TMCC1: variants seen among roughly 807,000 people sequenced by gnomAD.
TMCC1 encodes the protein transmembrane and coiled-coil domains protein 1.
In TMCC1, 15 loss-of-function variants were observed where a neutral mutation model predicts 52.4. That is an observed-to-expected ratio of 0.29 (90% CI 0.19 to 0.44). The LOEUF (loss-of-function observed/expected upper bound fraction) is 0.44. Ranked by LOEUF, TMCC1 falls within the 20% of genes least tolerant of loss-of-function variation. The probability of loss-of-function intolerance (pLI) is 1.00; values close to 1 mark genes in which losing one functional copy is unlikely to be tolerated. For missense variants in TMCC1, 503 were observed against 806.0 expected, an observed-to-expected ratio of 0.62 and a Z score of 4.55; for synonymous variants, 279 against 301.9, an observed-to-expected ratio of 0.92 and a Z score of 0.79.
At chr3:129,859,393 T>C (rs192317579) in intron 2 of TMCC1, among the ~76,000 whole-genome samples, 116 of 152,238 alleles carry the variant, frequency 7.6e-4, no homozygotes, top group Admixed American at 1.2e-3. Flanking sequence ...GCACTTTGTT[T>C]TGGGAGGCTG....
chr3:129,650,147 C>G lies in TMCC1; in HGVS notation c.*1334G>C, dbSNP rs527757229. The G allele has an allele frequency of 1.2e-3, 190 of 152,602 alleles. 1 individual carries two copies. Among genetic ancestry groups the G allele is most frequent in the Non-Finnish European group, 9.3e-4 (63 of 68,028 alleles). 9.5% of individuals were successfully genotyped at this position (152,602 alleles called of 1,614,324 possible). On this transcript the variant is annotated 3_prime_UTR_variant, in exon 7 of 7. Transcript: ENST00000393238. ...GAAGACAGAAGACTCCACATCATCA[C>G]TTTGGTTGTAATTAGGGGTGTTAAC...
At chr3:129,890,508 G>C (rs551592072) in intron 1 of TMCC1, among the ~76,000 whole-genome samples, 2 of 152,170 alleles carry the variant, frequency 1.3e-5, no homozygotes, top group South Asian at 4.1e-4. Flanking sequence ...TTTAATATTC[G>C]CAACACATCT....
chr3:129,740,017 A>C (rs1270589105), intron 4 of TMCC1, among the ~76,000 whole-genome samples: 1 of 152,250 alleles, frequency 6.6e-6, no homozygotes, highest in East Asian at 1.9e-4. Flanking sequence ...TTTCTCTCAA[A>C]TAATGTTTCT....
chr3:129,670,214 GA>G, intron 5 of TMCC1, 115 bp downstream of exon 5: 1 of 1,116,928 alleles, frequency 9.0e-7, no homozygotes, highest in South Asian at 1.6e-5. Flanking sequence ...ATGACATACC[GA>G]AAGTGCTCTG....
At chr3:129,889,856 A>T (rs1472955943) in intron 1 of TMCC1, among the ~76,000 whole-genome samples, 2 of 151,956 alleles carry the variant, frequency 1.3e-5, no homozygotes, top group Non-Finnish European at 2.9e-5. Flanking sequence ...AATTATCAGG[A>T]AAGATTTGGT....
intron 4 of TMCC1, among the ~76,000 whole-genome samples, chr3:129,693,135 C>T (rs2047145492): frequency 6.6e-6 from 1 of 152,134 alleles, no homozygotes; most frequent in African/African-American, 2.4e-5. Context: ...AGCCATGAAA[C>T]ATGTTAAAAT....
chr3:129,658,396 T>G (rs181210422), intron 5 of TMCC1, among the ~76,000 whole-genome samples: 7 of 152,326 alleles, frequency 4.6e-5, no homozygotes, highest in Non-Finnish European at 8.8e-5. Flanking sequence ...TGACTTACGA[T>G]GGGGTTACTT....
At chr3:129,819,285 G>A (rs1470526269) in intron 4 of TMCC1, among the ~76,000 whole-genome samples, 1 of 151,642 alleles carries the variant, frequency 6.6e-6, no homozygotes, top group Admixed American at 6.6e-5. Flanking sequence ...GTTTCACCAT[G>A]TTGGCCAGGC....
intron 2 of TMCC1, among the ~76,000 whole-genome samples, chr3:129,848,667 T>C (rs1267084732): frequency 6.6e-6 from 1 of 152,124 alleles, no homozygotes; most frequent in Non-Finnish European, 1.5e-5. Flanking sequence ...TACAAGAAAA[T>C]ACACAAATCC....
chr3:129,670,779 G>A lies in TMCC1; in HGVS notation c.1062C>T (p.Phe354=). The change falls in exon 5 of 7, where the codon TTC becomes TTT. Residue 354 remains phenylalanine (F), a synonymous_variant. Transcript: ENST00000393238. Reference sequence around the variant, plus strand: ...CTGCTGCTGAATGGGTGGCCTGGGAGAAGCTGGAAAACCCACCTTTGACAC... The same window carrying A: ...CTGCTGCTGAATGGGTGGCCTGGGAAAAGCTGGAAAACCCACCTTTGACAC... The part of the protein sequence containing the change: ...VDSVKGGFSS[F]SQATHSAAGA... The A allele has an allele frequency of 6.2e-7, 1 of 1,614,154 alleles. No homozygotes were observed. Among genetic ancestry groups the A allele is most frequent in the Non-Finnish European group, 8.5e-7 (1 of 1,180,034 alleles).
rs1478245504 is a variant in TMCC1, at chr3:129,650,723, T to G, written c.*758A>C. 1 of 152,648 alleles carries G rather than the reference T, an allele frequency of 6.6e-6. No homozygotes were observed. The highest frequency in any genetic ancestry group is 6.5e-5 in the Admixed American group (1 of 15,288). The allele number at this position is 152,648 out of a possible 1,614,324, so 9.5% of individuals were successfully genotyped here. Reference sequence around the variant, plus strand: ...TTCTTCAAGTATGCTGTTCGGATTTTTTATTTTTAGGTTGGTAACTATACA... The same window carrying G: ...TTCTTCAAGTATGCTGTTCGGATTTGTTATTTTTAGGTTGGTAACTATACA... On this transcript the variant is annotated 3_prime_UTR_variant, in exon 7 of 7. Coordinates refer to ENST00000393238, the MANE Select transcript of TMCC1 (RefSeq NM_001017395.5).
chr3:129,842,936 G>A (rs531313872), intron 2 of TMCC1, among the ~76,000 whole-genome samples: 14 of 152,108 alleles, frequency 9.2e-5, no homozygotes, highest in Non-Finnish European at 1.9e-4. Context: ...ATGAAATGCA[G>A]CTAAAACAGT....
At chr3:129,864,699 C>T (rs2060542573) in intron 2 of TMCC1, among the ~76,000 whole-genome samples, 2 of 152,188 alleles carry the variant, frequency 1.3e-5, no homozygotes, top group African/African-American at 4.8e-5. Context: ...GCTGAGATCA[C>T]ACCCTGCATT....
At chr3:129,722,990 A>C (rs1199924726) in intron 4 of TMCC1, among the ~76,000 whole-genome samples, 1 of 152,220 alleles carries the variant, frequency 6.6e-6, no homozygotes, top group Non-Finnish European at 1.5e-5. Context: ...AAACAATATG[A>C]ATGTACATTA....
Position 129,670,748 on chromosome 3 carries a change from C to T in TMCC1, c.1093G>A (p.Val365Ile), listed in dbSNP as rs748554478. 3 of 1,614,218 alleles carry T rather than the reference C, an allele frequency of 1.9e-6. No individual in the cohort carries two copies. Among genetic ancestry groups the T allele is most frequent in the East Asian group, 2.2e-5 (1 of 44,890 alleles). ...SQATHSAAGA[V>I]VSKPREIASL... Reference sequence around the variant, plus strand: ...GCAATCTCTCTGGGCTTTGAGACTACAGCGCCTGCTGCTGAATGGGTGGCC... The same window carrying T: ...GCAATCTCTCTGGGCTTTGAGACTATAGCGCCTGCTGCTGAATGGGTGGCC... The change falls in exon 5 of 7, where the codon GTA becomes ATA. Residue 365 changes from valine to isoleucine, a missense_variant. Val to Ile is a conservative substitution (Grantham distance 29). Coordinates refer to ENST00000393238, the MANE Select transcript of TMCC1 (RefSeq NM_001017395.5).
At chr3:129,739,974 C>G (rs775802880) in intron 4 of TMCC1, among the ~76,000 whole-genome samples, 6 of 152,260 alleles carry the variant, frequency 3.9e-5, no homozygotes, top group Non-Finnish European at 5.9e-5. Context: ...AGCACACAAG[C>G]ACTTACGTGC....
At chr3:129,669,836 T>G (rs1389459451) in intron 5 of TMCC1, among the ~76,000 whole-genome samples, 1 of 152,234 alleles carries the variant, frequency 6.6e-6, no homozygotes, top group Non-Finnish European at 1.5e-5. Flanking sequence ...AACCATTTCA[T>G]GTTTAAGTCC....
intron 4 of TMCC1, among the ~76,000 whole-genome samples, chr3:129,803,519 T>TA (rs2057305569): frequency 6.6e-6 from 1 of 152,286 alleles, no homozygotes; most frequent in East Asian, 1.9e-4. Context: ...TTTACCACAA[T>TA]AAAAAAAGCG....
intron 4 of TMCC1, among the ~76,000 whole-genome samples, chr3:129,744,824 C>T (rs1159416808): frequency 1.3e-5 from 2 of 152,130 alleles, no homozygotes; most frequent in Admixed American, 1.3e-4. Flanking sequence ...CTCAAGGTAA[C>T]AAAGCTGAGA....
Sources: gnomAD v4.1 joint callset for allele counts (sites outside exome capture counted in the v4.1 genomes callset) on GRCh38, gnomAD v4.1.1 for gene constraint, MANE v1.5 for transcripts, NCBI Gene and HGNC (gene_info 2026-07-23, HGNC 2026-07-21) for gene names.